The following IL1RAPL1 variants were observed in gnomAD, a reference collection of about 807,000 sequenced individuals.
IL1RAPL1 encodes the protein interleukin 1 receptor accessory protein like 1, also known as interleukin-1 receptor accessory protein-like 1.
IL1RAPL1 carries 3 observed loss-of-function variants against 48.4 expected under a neutral mutation model. The ratio of observed to expected loss-of-function variants is 0.06; its 90% CI spans 0.03 to 0.16. The LOEUF is 0.16. IL1RAPL1 is among the 10% of genes least tolerant of loss of function. The pLI is 1.00. For synonymous variants in IL1RAPL1, 185 were observed against 187.7 expected (o/e 0.99, Z 0.12); for missense variants, 349 against 530.6 (o/e 0.66, Z 3.36).
intron 1 of IL1RAPL1, among the ~76,000 whole-genome samples, chrX:28,704,119 A>G (rs905303081): frequency 8.9e-6 from 1 of 111,884 alleles, no homozygotes; most frequent in East Asian, 2.8e-4. Flanking sequence ...CAAATATTCC[A>G]TACATATAGA....
At chrX:29,580,526 A>G (rs1922928394) in intron 5 of IL1RAPL1, among the ~76,000 whole-genome samples, 1 of 111,844 alleles carries the variant, frequency 8.9e-6, no homozygotes, top group Non-Finnish European at 1.9e-5. Flanking sequence ...GCTGCATAAT[A>G]AACTATCTAA....
chrX:29,762,838 G>T (rs192190754), intron 6 of IL1RAPL1, among the ~76,000 whole-genome samples: 22 of 111,104 alleles, frequency 2.0e-4, no homozygotes, highest in Admixed American at 1.4e-3. Flanking sequence ...TGAATATTCA[G>T]TGCCAGCACA....
intron 2 of IL1RAPL1, among the ~76,000 whole-genome samples, chrX:28,824,858 C>T (rs1936975538): frequency 9.0e-6 from 1 of 111,224 alleles, no homozygotes; most frequent in East Asian, 2.8e-4. Context: ...TTTTGAAAAC[C>T]CTATTATAGT....
chrX:28,873,698 A>AG (rs1452993193), intron 2 of IL1RAPL1, among the ~76,000 whole-genome samples: 21 of 106,198 alleles, frequency 2.0e-4, no homozygotes, highest in Non-Finnish European at 3.5e-4. Context: ...CAGCCGGCTA[A>AG]TTTTTTGTAT....
At chrX:28,978,707 G>A (rs1268949388) in intron 2 of IL1RAPL1, among the ~76,000 whole-genome samples, 2 of 112,224 alleles carry the variant, frequency 1.8e-5, no homozygotes, top group Non-Finnish European at 3.8e-5. Context: ...AGTTTCCATA[G>A]CATGAGAGTG....
chrX:28,715,762 G>A (rs1426336808), intron 1 of IL1RAPL1, among the ~76,000 whole-genome samples: 1 of 111,318 alleles, frequency 9.0e-6, no homozygotes, highest in Non-Finnish European at 1.9e-5. Flanking sequence ...ACAAAGAAGA[G>A]CTGGTACCAT....
At chrX:28,978,602 TTGAG>T (rs1925260028) in intron 2 of IL1RAPL1, among the ~76,000 whole-genome samples, 1 of 111,817 alleles carries the variant, frequency 8.9e-6, no homozygotes, top group African/African-American at 3.3e-5. Flanking sequence ...AAATTTGAGA[TTGAG>T]TAAGATTACT....
intron 2 of IL1RAPL1, among the ~76,000 whole-genome samples, chrX:28,985,900 C>T (rs1434307497): frequency 9.0e-6 from 1 of 110,675 alleles, no homozygotes; most frequent in East Asian, 2.9e-4. Flanking sequence ...ACCTTGTGAT[C>T]CGCCTGCCTC....
chrX:29,164,422 A>C (rs1056314754), intron 2 of IL1RAPL1, among the ~76,000 whole-genome samples: 17 of 112,114 alleles, frequency 1.5e-4, no homozygotes, highest in African/African-American at 5.5e-4. Context: ...TGAACGAATG[A>C]ATTAATAAGT....
At chrX:29,384,379 T>C (rs775426507) in intron 3 of IL1RAPL1, among the ~76,000 whole-genome samples, 4 of 111,095 alleles carry the variant, frequency 3.6e-5, no homozygotes, top group Non-Finnish European at 7.6e-5. Flanking sequence ...AACTGGGAAA[T>C]TGAGAAACTA....
At chrX:29,573,258 C>T (rs1215147473) in intron 5 of IL1RAPL1, among the ~76,000 whole-genome samples, 6 of 112,265 alleles carry the variant, frequency 5.3e-5, no homozygotes, top group Admixed American at 1.9e-4. Flanking sequence ...ACATATAAAT[C>T]ATTGAGGGAC....
chrX:29,639,186 A>AAC, intron 5 of IL1RAPL1, among the ~76,000 whole-genome samples: 1 of 73,194 alleles, frequency 1.4e-5, no homozygotes, highest in Admixed American at 1.4e-4. Flanking sequence ...ACTCCGTCTC[A>AAC]AAAAAAAAAA....
intron 5 of IL1RAPL1, among the ~76,000 whole-genome samples, chrX:29,556,287 G>T (rs1030555513): frequency 8.9e-6 from 1 of 112,164 alleles, no homozygotes; most frequent in African/African-American, 3.2e-5. Flanking sequence ...TATGGTGTCT[G>T]TTGGCAAGAA....
chrX:28,992,260 G>A (rs755822652), intron 2 of IL1RAPL1, among the ~76,000 whole-genome samples: 46 of 111,153 alleles, frequency 4.1e-4, no homozygotes, highest in African/African-American at 1.5e-3. Flanking sequence ...GGAGGCCAAG[G>A]TGGTGGATTA....
At chrX:29,721,237 G>C (rs1220620556) in intron 6 of IL1RAPL1, among the ~76,000 whole-genome samples, 1 of 111,559 alleles carries the variant, frequency 9.0e-6, no homozygotes, top group East Asian at 2.8e-4. Flanking sequence ...CTGCCTTCTT[G>C]GGGAAACATT....
chrX:29,033,719 C>T (rs1445248432), intron 2 of IL1RAPL1, among the ~76,000 whole-genome samples: 5 of 110,751 alleles, frequency 4.5e-5, no homozygotes, highest in African/African-American at 1.3e-4. Flanking sequence ...TAGGGTTCTT[C>T]GGAATATTAG....
chrX:29,741,222 T>G (rs1928188445), intron 6 of IL1RAPL1, among the ~76,000 whole-genome samples: 1 of 112,321 alleles, frequency 8.9e-6, no homozygotes, highest in Admixed American at 9.5e-5. Context: ...TCTGTGTAGT[T>G]TTCCAAAATT....
At chrX:29,568,461 G>A (rs1922483718) in intron 5 of IL1RAPL1, among the ~76,000 whole-genome samples, 1 of 110,565 alleles carries the variant, frequency 9.0e-6, no homozygotes, top group Non-Finnish European at 1.9e-5. Context: ...TATACCAATT[G>A]TGTACACAGG....
intron 3 of IL1RAPL1, among the ~76,000 whole-genome samples, chrX:29,293,933 GA>G (rs1306132762): frequency 1.8e-5 from 2 of 110,981 alleles, no homozygotes; most frequent in African/African-American, 6.5e-5. Context: ...CAAAATTTGG[GA>G]TAAGTGATAA....
Sources: allele counts gnomAD v4.1 joint callset (sites outside exome capture counted in the v4.1 genomes callset), GRCh38; gene constraint gnomAD v4.1.1; transcripts MANE v1.5; gene names NCBI Gene and HGNC (gene_info 2026-07-23, HGNC 2026-07-21).